SDCCAG8: variants seen among roughly 807,000 people sequenced by gnomAD.
SDCCAG8 encodes SHH signaling and ciliogenesis regulator SDCCAG8, also known as serologically defined colon cancer antigen 8.
A neutral mutation model predicts 101.8 loss-of-function variants in SDCCAG8; 74 were observed. The observed-to-expected ratio is 0.73, with a 90% confidence interval of 0.60 to 0.88. The LOEUF is 0.88. SDCCAG8 is among the 40% of genes least tolerant of loss of function. The probability of loss-of-function intolerance (pLI) is 0.00; values close to 1 mark genes in which losing one functional copy is unlikely to be tolerated. For missense variants in SDCCAG8, 787 were observed against 822.6 expected (o/e 0.96, Z 0.53); for synonymous variants, 281 against 292.9 (o/e 0.96, Z 0.41).
At chr1:243,408,756 T>A (rs2147994788) in intron 13 of SDCCAG8, among the ~76,000 whole-genome samples, 1 of 152,316 alleles carries the variant, frequency 6.6e-6, no homozygotes, top group Middle Eastern at 3.4e-3. Context: ...AGGCTCCCAT[T>A]TTCTTATCTA....
chr1:243,453,702 A>C (rs1220655175), intron 16 of SDCCAG8, among the ~76,000 whole-genome samples: 1 of 152,130 alleles, frequency 6.6e-6, no homozygotes, highest in Non-Finnish European at 1.5e-5. Flanking sequence ...GATTCTCTCA[A>C]CTCCAGCAAA....
At chr1:243,440,838 T>C (rs987783060) in intron 16 of SDCCAG8, among the ~76,000 whole-genome samples, 2 of 152,316 alleles carry the variant, frequency 1.3e-5, no homozygotes, top group African/African-American at 4.8e-5. Context: ...AGCAGTTTCG[T>C]GCATTGTTTT....
At chr1:243,342,930 T>C (rs1341068297) in intron 11 of SDCCAG8, among the ~76,000 whole-genome samples, 1 of 152,184 alleles carries the variant, frequency 6.6e-6, no homozygotes, top group East Asian at 1.9e-4. Context: ...GATTAATTTA[T>C]TTTTAAAATT....
At chr1:243,369,086 A>G (rs2077146840) in intron 12 of SDCCAG8, among the ~76,000 whole-genome samples, 1 of 152,080 alleles carries the variant, frequency 6.6e-6, no homozygotes, top group African/African-American at 2.4e-5. Flanking sequence ...TTAATGGTCT[A>G]CATGGATTTG....
chr1:243,275,559 C>T (rs541862547), intron 4 of SDCCAG8, among the ~76,000 whole-genome samples: 16 of 152,092 alleles, frequency 1.1e-4, no homozygotes, highest in East Asian at 9.6e-4. Flanking sequence ...TTAATATACA[C>T]GTGGTCCTGG....
At position 243,480,455 on chromosome 1, in the gene SDCCAG8, GGGAT is replaced by G. The variant is rs768681122; in HGVS notation, c.1986-8528_1986-8525del. On this transcript the variant is annotated intron_variant, in intron 16 of 17. Coordinates refer to ENST00000366541, the MANE Select transcript of SDCCAG8 (RefSeq NM_006642.5). ...GTGGATGGGTGGGATGGATGAATGG[GGGAT>G]GGATGGATGGATGGATGGATGGATG... 5.8e-4 allele frequency among the ~76,000 whole-genome samples: 40 copies of G among 69,066 alleles called. 1 individual carries two copies. The highest frequency in any genetic ancestry group is 9.2e-4 in the African/African-American group (14 of 15,286). 45.3% of individuals were successfully genotyped at this position (69,066 alleles called of 152,430 possible).
intron 5 of SDCCAG8, among the ~76,000 whole-genome samples, chr1:243,292,646 T>C (rs2070388139): frequency 6.6e-6 from 1 of 152,184 alleles, no homozygotes; most frequent in Non-Finnish European, 1.5e-5. Flanking sequence ...ATCTATCCCA[T>C]AGAACTGTAA....
intron 9 of SDCCAG8, among the ~76,000 whole-genome samples, chr1:243,324,444 T>A (rs1300679469): frequency 6.8e-6 from 1 of 147,304 alleles, no homozygotes; most frequent in Non-Finnish European, 1.5e-5. Flanking sequence ...GTTCAAGGCT[T>A]CACATCTTCA....
Position 243,270,201 on chromosome 1 carries a change from G to A in SDCCAG8, c.164G>A (p.Ser55Asn), listed in dbSNP as rs1257193759. The change falls in exon 2 of 18, where the codon AGT becomes AAT. Residue 55 changes from serine (S) to asparagine (N), a missense_variant. Coordinates refer to ENST00000366541, the MANE Select transcript of SDCCAG8 (RefSeq NM_006642.5). ...GCACCAAATCTTTCTTTTAGCACCA[G>A]TGTGGGAAATGAGGACGCCAGGACA... ...EDAPNLSFSTSVGNEDARTAW... is the reference protein window; with the variant it reads ...EDAPNLSFSTNVGNEDARTAW... 1.2e-6 allele frequency: 2 copies of A among 1,614,034 alleles called. No individual in the cohort carries two copies. Among genetic ancestry groups the A allele is most frequent in the Admixed American group, 3.3e-5 (2 of 60,004 alleles).
rs143002643 is a variant in SDCCAG8 at position 243,417,670 on chromosome 1, A to G, written c.1745-298A>G. Among the ~76,000 whole-genome samples, 40 of 152,330 alleles carry G rather than the reference A, an allele frequency of 2.6e-4. No homozygotes were observed. In the East Asian group the frequency reaches 6.7e-3, roughly 26 times the overall value. On this transcript the variant is annotated intron_variant, in intron 14 of 17. Transcript: ENST00000366541. ...ATATAATATCTTGCATATTGCAAAG[A>G]TATAAGCATCTATTCTTCCACTTGA...
intron 16 of SDCCAG8, among the ~76,000 whole-genome samples, chr1:243,445,528 T>C (rs1030744169): frequency 1.3e-5 from 2 of 152,150 alleles, no homozygotes; most frequent in Non-Finnish European, 2.9e-5. Flanking sequence ...AGACCAGAAG[T>C]TGGATGGTTA....
intron 5 of SDCCAG8, 80 bp downstream of exon 5, chr1:243,286,477 TTAGA>T: frequency 1.3e-6 from 2 of 1,483,194 alleles, no homozygotes; most frequent in Non-Finnish European, 1.9e-6. Context: ...TCTTCGCTGC[TTAGA>T]TTTTCTCCCT....
At chr1:243,323,071 G>A (rs1213366985) in intron 9 of SDCCAG8, among the ~76,000 whole-genome samples, 6 of 151,486 alleles carry the variant, frequency 4.0e-5, no homozygotes, top group Non-Finnish European at 7.4e-5. Context: ...GGAGGCAGAG[G>A]TTGCAGTGAG....
intron 1 of SDCCAG8, among the ~76,000 whole-genome samples, chr1:243,257,008 A>G (rs2066782626): frequency 6.6e-6 from 1 of 152,172 alleles, no homozygotes; most frequent in Non-Finnish European, 1.5e-5. Context: ...GTACTTTTAG[A>G]TGGCGCTGTC....
chr1:243,322,164 C>G (rs1354293019), intron 9 of SDCCAG8, among the ~76,000 whole-genome samples: 1 of 152,202 alleles, frequency 6.6e-6, no homozygotes, highest in South Asian at 2.1e-4. Flanking sequence ...GAAGCCAATG[C>G]TACGGCACTG....
intron 13 of SDCCAG8, among the ~76,000 whole-genome samples, chr1:243,398,353 C>T (rs981491934): frequency 3.3e-5 from 5 of 151,930 alleles, no homozygotes; most frequent in Admixed American, 1.3e-4. Context: ...ATATCAAGAT[C>T]ATCAATTTTG....
At chr1:243,275,856 GTTTTTTTTTTTT>G (rs11344816) in intron 4 of SDCCAG8, among the ~76,000 whole-genome samples, 14 of 59,160 alleles carry the variant, frequency 2.4e-4, no homozygotes, top group African/African-American at 6.4e-4. Flanking sequence ...TTGAACCAAT[GTTTTTTTTTTTT>G]TTTTTTTTTT....
chr1:243,282,670 C>T (rs1302646469), intron 4 of SDCCAG8, among the ~76,000 whole-genome samples: 1 of 152,108 alleles, frequency 6.6e-6, no homozygotes, highest in Non-Finnish European at 1.5e-5. Flanking sequence ...GAAGGTTAAT[C>T]TTGCTGAATC....
chr1:243,326,436 T>C (rs2074153944), intron 9 of SDCCAG8, among the ~76,000 whole-genome samples: 1 of 152,064 alleles, frequency 6.6e-6, no homozygotes, highest in Non-Finnish European at 1.5e-5. Context: ...AAAAATAAAA[T>C]CAGAAAAGCA....
Sources: allele counts gnomAD v4.1 joint callset (sites outside exome capture counted in the v4.1 genomes callset), GRCh38; gene constraint gnomAD v4.1.1; transcripts MANE v1.5; gene names NCBI Gene and HGNC (gene_info 2026-07-23, HGNC 2026-07-21).